The following PRKN variants were observed in gnomAD, a reference collection of about 807,000 sequenced individuals.
PRKN encodes parkin RBR E3 ubiquitin protein ligase.
PRKN carries 56 observed loss-of-function variants against 59.5 expected under a neutral mutation model. That is an observed-to-expected ratio of 0.94 (90% confidence interval 0.76 to 1.18). PRKN has a LOEUF of 1.18. PRKN is among the 50% of genes most tolerant of loss of function. PRKN has a pLI of 0.00. For missense variants in PRKN, 657 were observed against 596.4 expected (o/e 1.10, Z -1.06); for synonymous variants, 250 against 222.1 (o/e 1.13, Z -1.12).
rs113563478 is a variant in PRKN, at chr6:161,957,498, A to C, written c.734+15804T>G. On this transcript the variant is annotated intron_variant, in intron 6 of 11. Transcript: ENST00000366898. ...GAAGTGCAGTGGCACAATGTTGGCT[A>C]ACTGCAACCTCCACCTCCTGCGTTC... Among the ~76,000 whole-genome samples the C allele has an allele frequency of 9.8e-3, 1,465 of 148,880 alleles. 15 individuals carry two copies. The highest frequency in any genetic ancestry group is 0.013 in the Non-Finnish European group (875 of 67,578).
chr6:162,678,879 A>T (rs1779659663), intron 1 of PRKN, among the ~76,000 whole-genome samples: 1 of 152,022 alleles, frequency 6.6e-6, no homozygotes, highest in Non-Finnish European at 1.5e-5. Context: ...AATTCAAGCA[A>T]TTCTCCTGCC....
intron 2 of PRKN, among the ~76,000 whole-genome samples, chr6:162,351,756 A>C (rs1038890263): frequency 6.6e-6 from 1 of 152,192 alleles, no homozygotes; most frequent in South Asian, 2.1e-4. Context: ...ACTGTAACAT[A>C]GATGAATCTC....
intron 6 of PRKN, among the ~76,000 whole-genome samples, chr6:161,908,203 C>T (rs1430573851): frequency 5.3e-5 from 8 of 152,144 alleles, no homozygotes; most frequent in African/African-American, 1.9e-4. Context: ...CAATTTAGCT[C>T]GGAACCGTCA....
At chr6:162,566,842 G>A (rs1307114746) in intron 1 of PRKN, among the ~76,000 whole-genome samples, 2 of 152,088 alleles carry the variant, frequency 1.3e-5, no homozygotes, top group Non-Finnish European at 1.5e-5. Flanking sequence ...GAAAACTACA[G>A]GCCAATATTT....
intron 9 of PRKN, among the ~76,000 whole-genome samples, chr6:161,412,202 T>G (rs987002783): frequency 7.5e-6 from 1 of 133,224 alleles, no homozygotes; most frequent in Non-Finnish European, 1.6e-5. Flanking sequence ...CCACTCACTC[T>G]TTCCTTCCTC....
chr6:162,393,129 T>A (rs1171273198), intron 2 of PRKN, among the ~76,000 whole-genome samples: 1 of 148,598 alleles, frequency 6.7e-6, no homozygotes, highest in Non-Finnish European at 1.5e-5. Context: ...AGACAACCAG[T>A]TGATACTGGG....
chr6:161,898,494 T>C (rs1270903057), intron 6 of PRKN, among the ~76,000 whole-genome samples: 3 of 152,204 alleles, frequency 2.0e-5, no homozygotes, highest in Non-Finnish European at 2.9e-5. Context: ...ATCGTGCAGC[T>C]GAGGAAACGG....
intron 5 of PRKN, among the ~76,000 whole-genome samples, chr6:162,012,778 G>A (rs1382229924): frequency 6.6e-6 from 1 of 152,032 alleles, no homozygotes; most frequent in Non-Finnish European, 1.5e-5. Context: ...CTCTCTCATA[G>A]CCTTGACATT....
At position 162,037,737 on chromosome 6, in the gene PRKN, G is replaced by C. The variant is rs367619665; in HGVS notation, c.618+16354C>G. 4.6e-5 allele frequency among the ~76,000 whole-genome samples: 7 copies of C among 151,908 alleles called. No homozygotes were observed. The East Asian group carries it at 1.4e-3, about 29-fold the overall frequency. On this transcript the variant is annotated intron_variant, in intron 5 of 11. Transcript: ENST00000366898. Reference sequence around the variant, plus strand: ...AGCTTTTGTATTTTTAGTAGAGACAGGGTTTCACCATGTTGGCCAGGATGG... The same window carrying C: ...AGCTTTTGTATTTTTAGTAGAGACACGGTTTCACCATGTTGGCCAGGATGG...
intron 7 of PRKN, among the ~76,000 whole-genome samples, chr6:161,768,109 T>G (rs1432415228): frequency 6.6e-6 from 1 of 151,998 alleles, no homozygotes; most frequent in Non-Finnish European, 1.5e-5. Flanking sequence ...AAGACATGAG[T>G]TATGTCAGAA....
intron 1 of PRKN, among the ~76,000 whole-genome samples, chr6:162,617,382 C>T (rs991081038): frequency 6.6e-6 from 1 of 152,106 alleles, no homozygotes; most frequent in Non-Finnish European, 1.5e-5. Context: ...CAGGCACCTG[C>T]CAGCACACCT....
At chr6:162,580,894 G>A (rs868503807) in intron 1 of PRKN, among the ~76,000 whole-genome samples, 8 of 152,062 alleles carry the variant, frequency 5.3e-5, no homozygotes, top group South Asian at 2.1e-4. Flanking sequence ...TCCTCCCCTC[G>A]CCCCAAAGTG....
intron 6 of PRKN, among the ~76,000 whole-genome samples, chr6:161,934,341 T>C (rs1779277292): frequency 6.6e-6 from 1 of 152,196 alleles, no homozygotes; most frequent in Non-Finnish European, 1.5e-5. Flanking sequence ...TAGGTAGTAT[T>C]TTTATAGCAG....
chr6:162,484,549 G>A (rs1792456169), intron 1 of PRKN, among the ~76,000 whole-genome samples: 1 of 152,196 alleles, frequency 6.6e-6, no homozygotes, highest in African/African-American at 2.4e-5. Flanking sequence ...AGCTTAGCAG[G>A]TGTAAGAAGA....
intron 6 of PRKN, among the ~76,000 whole-genome samples, chr6:161,868,302 G>A (rs9365332): frequency 0.33 from 48,915 of 150,064 alleles, 8,283 homozygotes; most frequent in Admixed American, 0.39. Flanking sequence ...CTTTGGGCCC[G>A]GCGCAGTGGC....
intron 2 of PRKN, among the ~76,000 whole-genome samples, chr6:162,433,676 GAACT>G (rs1789641904): frequency 6.7e-6 from 1 of 149,632 alleles, no homozygotes; most frequent in Non-Finnish European, 1.5e-5. Flanking sequence ...AATAACACTA[GAACT>G]ATCTTAAACA....
chr6:161,961,981 C>T (rs1043551307), intron 6 of PRKN, among the ~76,000 whole-genome samples: 3 of 152,128 alleles, frequency 2.0e-5, no homozygotes, highest in Admixed American at 6.5e-5. Flanking sequence ...ACAGAAGATA[C>T]AGCACATGAG....
chr6:161,842,622 T>C (rs1400810227), intron 6 of PRKN, among the ~76,000 whole-genome samples: 3 of 152,076 alleles, frequency 2.0e-5, no homozygotes, highest in South Asian at 2.1e-4. Flanking sequence ...TGGAGTGCAA[T>C]GGCACGATCT....
At chr6:161,815,001 T>C (rs959594431) in intron 6 of PRKN, among the ~76,000 whole-genome samples, 4 of 152,170 alleles carry the variant, frequency 2.6e-5, no homozygotes, top group African/African-American at 9.7e-5. Flanking sequence ...TCTGAATTTA[T>C]GGGTCTTTGA....
Sources: gnomAD v4.1 joint callset for allele counts (sites outside exome capture counted in the v4.1 genomes callset) on GRCh38, gnomAD v4.1.1 for gene constraint, MANE v1.5 for transcripts, NCBI Gene and HGNC (gene_info 2026-07-23, HGNC 2026-07-21) for gene names.